Variants in CYP4F22 observed in about 807,000 individuals in gnomAD.
CYP4F22 encodes cytochrome P450 family 4 subfamily F member 22, also known as ultra-long-chain fatty acid omega-hydroxylase.
In CYP4F22, 37 loss-of-function variants were observed where a neutral mutation model predicts 60.4. The observed-to-expected ratio is 0.61, with a 90% CI of 0.47 to 0.81. CYP4F22 has a LOEUF of 0.81. Among genes scored for constraint, CYP4F22 ranks in the 30% least tolerant of loss-of-function variants. The pLI, the probability that CYP4F22 is intolerant of heterozygous loss-of-function variation, is 0.00. For missense variants in CYP4F22, 655 were observed against 715.0 expected (o/e 0.92, Z 0.96); for synonymous variants, 258 against 280.5 (o/e 0.92, Z 0.80).
intron 1 of CYP4F22, among the ~76,000 whole-genome samples, chr19:15,511,280 A>AT (rs968673612): frequency 1.3e-5 from 2 of 151,118 alleles, no homozygotes; most frequent in East Asian, 2.0e-4. Flanking sequence ...CACTATATTA[A>AT]TTTTTTTTAA....
At chr19:15,530,772 G>A (rs190104565) in intron 4 of CYP4F22, among the ~76,000 whole-genome samples, 1 of 152,044 alleles carries the variant, frequency 6.6e-6, no homozygotes, top group South Asian at 2.1e-4. Flanking sequence ...ACAGCAACAT[G>A]GGGGTAACCG....
intron 3 of CYP4F22, among the ~76,000 whole-genome samples, chr19:15,529,451 C>T (rs1568357596): frequency 1.3e-5 from 2 of 152,054 alleles, no homozygotes; most frequent in African/African-American, 2.4e-5. Context: ...TATTGAACAT[C>T]AGCCATGGGT....
intron 7 of CYP4F22, among the ~76,000 whole-genome samples, chr19:15,540,145 T>C (rs1343529418): frequency 6.6e-6 from 1 of 152,110 alleles, no homozygotes; most frequent in African/African-American, 2.4e-5. Flanking sequence ...TTCAAAAATA[T>C]ACCCGAGACT....
intron 11 of CYP4F22, 36 bp downstream of exon 11, chr19:15,548,277 C>T (rs1399893217): frequency 1.2e-6 from 2 of 1,612,894 alleles, no homozygotes; most frequent in Admixed American, 3.3e-5. Context: ...TGGTGCACTG[C>T]CTCCAATGAT....
rs919496359 is a variant in CYP4F22, at chr19:15,522,871, C to T, written c.-108-822C>T. On this transcript the variant is annotated intron_variant, in intron 1 of 13. Transcript: ENST00000269703. ...GATTATAGGCGCACGCCACCACGCC[C>T]GGCTGATTTTTGTATTTTTAGTAGA... 9.2e-5 allele frequency among the ~76,000 whole-genome samples: 14 copies of T among 151,862 alleles called. No individual in the cohort carries two copies. In the East Asian group the frequency reaches 1.8e-3, roughly 19 times the overall value.
At chr19:15,521,008 C>T (rs1194388583) in intron 1 of CYP4F22, among the ~76,000 whole-genome samples, 1 of 151,878 alleles carries the variant, frequency 6.6e-6, no homozygotes, top group Non-Finnish European at 1.5e-5. Flanking sequence ...ACCTCATGAT[C>T]TGCCTGCCTT....
At chr19:15,511,156 G>C (rs1971087316) in intron 1 of CYP4F22, among the ~76,000 whole-genome samples, 1 of 150,748 alleles carries the variant, frequency 6.6e-6, no homozygotes, top group African/African-American at 2.4e-5. Context: ...AGTAGAGATG[G>C]GGTTTCTCCA....
At chr19:15,535,764 A>G (rs565698030) in intron 4 of CYP4F22, among the ~76,000 whole-genome samples, 85 of 152,174 alleles carry the variant, frequency 5.6e-4, no homozygotes, top group Non-Finnish European at 1.1e-3. Flanking sequence ...CTACTCATCC[A>G]TCCACCCATT....
intron 1 of CYP4F22, among the ~76,000 whole-genome samples, chr19:15,513,911 C>G (rs140713146): frequency 1.1e-4 from 16 of 152,264 alleles, no homozygotes; most frequent in African/African-American, 2.9e-4. Flanking sequence ...TTAATAGTAT[C>G]GAGCACTCTG....
Position 15,540,454 on chromosome 19 carries a change from A to T in CYP4F22, c.676A>T (p.Met226Leu), listed in dbSNP as rs1971444268. 1 of 1,614,150 alleles carries T rather than the reference A, an allele frequency of 6.2e-7. No homozygotes were observed. Among genetic ancestry groups the T allele is most frequent in the Non-Finnish European group, 8.5e-7 (1 of 1,180,030 alleles). ...GGATCCCCTTCTCCTTGGCAGGAAG[A>T]TGAGTGATTATATCTCCGCTATCAT... ...FSYNSNCQEK[M>L]SDYISAIIEL... is the part of the protein sequence containing the mutation. Residue 226 changes from methionine (M) to leucine (L), a missense_variant, in exon 8 of 14, where the codon ATG (methionine) becomes TTG (leucine). This residue lies in a region of CYP4F22 where 430 missense variants were observed against 457.1 expected (regional missense o/e 0.94). Coordinates refer to ENST00000269703, the MANE Select transcript of CYP4F22 (RefSeq NM_173483.4).
intron 1 of CYP4F22, among the ~76,000 whole-genome samples, chr19:15,509,343 A>G (rs1971056156): frequency 2.6e-5 from 4 of 152,150 alleles, no homozygotes; most frequent in Admixed American, 2.6e-4. Flanking sequence ...CTCCTGGTTC[A>G]TCTGCCCGCT....
chr19:15,521,730 G>A (rs952037247), intron 1 of CYP4F22, among the ~76,000 whole-genome samples: 9 of 152,110 alleles, frequency 5.9e-5, no homozygotes, highest in Non-Finnish European at 7.3e-5. Flanking sequence ...GGGTGCAGTC[G>A]CACGATCATA....
chr19:15,523,527 A>G (rs978219853), intron 1 of CYP4F22, among the ~76,000 whole-genome samples, 166 bp from the exon 2 acceptor site: 3 of 152,214 alleles, frequency 2.0e-5, no homozygotes. Flanking sequence ...TTCCAGTTCA[A>G]CATGAGGTTT....
intron 8 of CYP4F22, among the ~76,000 whole-genome samples, chr19:15,542,819 C>G (rs892915098): frequency 2.0e-5 from 3 of 152,094 alleles, no homozygotes; most frequent in Non-Finnish European, 4.4e-5. Context: ...GTTTTCTGTT[C>G]CTGCCTTAGG....
chr19:15,526,160 GTCTC>G (rs938766710), intron 3 of CYP4F22, among the ~76,000 whole-genome samples: 1 of 151,686 alleles, frequency 6.6e-6, no homozygotes, highest in Non-Finnish European at 1.5e-5. Context: ...GGGAGACCCT[GTCTC>G]TCTAAGGAAA....
intron 3 of CYP4F22, 56 bp downstream of exon 3, chr19:15,525,614 A>G: frequency 6.5e-7 from 1 of 1,539,744 alleles, no homozygotes; most frequent in East Asian, 2.3e-5. Flanking sequence ...GCAGGGTAAT[A>G]GGTAGGGATG....
At chr19:15,533,591 C>CTT (rs34585637) in intron 4 of CYP4F22, among the ~76,000 whole-genome samples, 5,326 of 91,352 alleles carry the variant, frequency 0.058, 382 homozygotes, top group African/African-American at 0.081. Flanking sequence ...CAGTTTCATT[C>CTT]TTTTTTTTTT....
intron 7 of CYP4F22, 99 bp downstream of exon 7, chr19:15,538,092 A>T: frequency 6.5e-7 from 1 of 1,546,688 alleles, no homozygotes; most frequent in Non-Finnish European, 8.8e-7. Flanking sequence ...ACTCTGGCCT[A>T]TGGGAGCTCT....
intron 3 of CYP4F22, among the ~76,000 whole-genome samples, chr19:15,526,598 G>A (rs1274860801): frequency 6.6e-6 from 1 of 152,206 alleles, no homozygotes; most frequent in Admixed American, 6.5e-5. Flanking sequence ...GAGAGGTTAA[G>A]TAGCTGACCT....
Sources: allele counts gnomAD v4.1 joint callset (sites outside exome capture counted in the v4.1 genomes callset), GRCh38; gene constraint gnomAD v4.1.1; regional missense constraint gnomAD v4.1.1; transcripts MANE v1.5; gene names NCBI Gene and HGNC (gene_info 2026-07-23, HGNC 2026-07-21).